Variants in MYLK observed in about 807,000 individuals in gnomAD.
MYLK encodes the protein myosin light chain kinase.
In MYLK, 106 loss-of-function variants were observed where a neutral mutation model predicts 203.4. The ratio of observed to expected loss-of-function variants is 0.52; its 90% CI spans 0.45 to 0.61. The LOEUF (loss-of-function observed/expected upper bound fraction) is 0.61, where lower values mean the gene tolerates loss of function less well. MYLK is among the 20% of genes least tolerant of loss of function. The probability of loss-of-function intolerance (pLI) is 0.00; values close to 1 mark genes in which losing one functional copy is unlikely to be tolerated. For synonymous variants in MYLK, 867 were observed against 959.5 expected (o/e 0.90, Z 1.78); for missense variants, 2,072 against 2,442.3 (o/e 0.85, Z 3.20).
intron 19 of MYLK, among the ~76,000 whole-genome samples, chr3:123,682,914 G>T (rs539407496): frequency 6.6e-6 from 1 of 152,292 alleles, no homozygotes; most frequent in Non-Finnish European, 1.5e-5. Context: ...AACAGGCCCA[G>T]TGAAGCTGGG....
Position 123,820,652 on chromosome 3 carries a change from T to TTCCTTCCTTCCTTCCTTCCTTCCCTCCC in MYLK, c.-4+10895_-4+10896insGGGAGGGAAGGAAGGAAGGAAGGAAGGA, listed in dbSNP as rs1560259959. 6.9e-4 allele frequency among the ~76,000 whole-genome samples: 79 copies of TTCCTTCCTTCCTTCCTTCCTTCCCTCCC among 113,918 alleles called. 1 individual carries two copies. Among genetic ancestry groups the TTCCTTCCTTCCTTCCTTCCTTCCCTCCC allele is most frequent in the African/African-American group, 2.3e-3 (77 of 32,992 alleles). The allele number at this position is 113,918 out of a possible 152,430, so 74.7% of individuals were successfully genotyped here. A position where few individuals can be genotyped will look rare whatever the true frequency, so the allele number is the denominator to read the frequency against. ...CTTCCTTCCTTCCTTCCCTCCTTCC[T>TTCCTTCCTTCCTTCCTTCCTTCCCTCCC]TCCTTCCTTCCCTCCTTCCTTCCTT... On this transcript the variant is annotated intron_variant, in intron 3 of 33. Transcript: ENST00000360304.
At chr3:123,690,307 C>T (rs989900069) in intron 19 of MYLK, among the ~76,000 whole-genome samples, 4 of 152,218 alleles carry the variant, frequency 2.6e-5, no homozygotes, top group East Asian at 1.9e-4. Flanking sequence ...AGTTCTTCAA[C>T]GTATTCTGAT....
intron 18 of MYLK, among the ~76,000 whole-genome samples, chr3:123,699,627 C>T (rs2061094607): frequency 6.6e-6 from 1 of 152,248 alleles, no homozygotes; most frequent in Admixed American, 6.5e-5. Context: ...CTCTGTGTCC[C>T]CCACCTCCAA....
At chr3:123,850,041 G>A (rs563695942) in intron 2 of MYLK, among the ~76,000 whole-genome samples, 3 of 152,092 alleles carry the variant, frequency 2.0e-5, no homozygotes, top group South Asian at 2.1e-4. Flanking sequence ...ATGGTTTCCC[G>A]CTTCATCCAT....
intron 18 of MYLK, among the ~76,000 whole-genome samples, chr3:123,699,486 T>C (rs2061086696): frequency 6.6e-6 from 1 of 152,182 alleles, no homozygotes; most frequent in African/African-American, 2.4e-5. Context: ...AAACCCACAG[T>C]GCTATCAAGA....
In MYLK at chr3:123,840,637, T is replaced by C. The variant is rs185327795; in HGVS notation, c.-126-8967A>G. On this transcript the variant is annotated intron_variant, in intron 2 of 33. Transcript: ENST00000360304. Reference sequence around the variant, plus strand: ...ACCATGGAACAATATTCTTCATAAATATAAACACAAAAATCCTCAACAAAA... The same window carrying C: ...ACCATGGAACAATATTCTTCATAAACATAAACACAAAAATCCTCAACAAAA... Among the ~76,000 whole-genome samples, 91 of 151,842 alleles carry C rather than the reference T, an allele frequency of 6.0e-4. 2 individuals are homozygous for C. In the South Asian group the frequency reaches 0.011, roughly 18 times the overall value.
chr3:123,870,839 G>A (rs910829750), intron 2 of MYLK, among the ~76,000 whole-genome samples: 1 of 152,182 alleles, frequency 6.6e-6, no homozygotes, highest in Non-Finnish European at 1.5e-5. Flanking sequence ...TTTTCTATCT[G>A]TATCTGCCTC....
chr3:123,813,102 C>G (rs940728961), intron 3 of MYLK, among the ~76,000 whole-genome samples: 1 of 152,184 alleles, frequency 6.6e-6, no homozygotes, highest in Non-Finnish European at 1.5e-5. Flanking sequence ...CAGGCCAAGT[C>G]CCTATCTGCT....
chr3:123,791,639 T>C (rs1040963781), intron 4 of MYLK, among the ~76,000 whole-genome samples: 11 of 152,246 alleles, frequency 7.2e-5, no homozygotes, highest in African/African-American at 2.7e-4. Context: ...AGGTGGTAAG[T>C]GGTCAAGTAG....
intron 27 of MYLK, among the ~76,000 whole-genome samples, chr3:123,644,997 G>C (rs2058965042): frequency 6.6e-6 from 1 of 152,170 alleles, no homozygotes. Context: ...CTGAAGCCAG[G>C]CTTCCTGAAT....
At chr3:123,623,608 C>G (rs1176792163) in intron 31 of MYLK, 1 of 152,170 alleles carries the variant, frequency 6.6e-6, no homozygotes, top group Non-Finnish European at 1.5e-5. Flanking sequence ...GGTGCCTTCT[C>G]TGGCACAGCT....
At chr3:123,659,472 C>A (rs7619172) in intron 23 of MYLK, among the ~76,000 whole-genome samples, 13,606 of 152,082 alleles carry the variant, frequency 0.089, 1,161 homozygotes, top group African/African-American at 0.22. Flanking sequence ...AAATTTGGGG[C>A]GAGGGACTTT....
chr3:123,623,413 C>T (rs1336792641), intron 31 of MYLK: 4 of 152,196 alleles, frequency 2.6e-5, no homozygotes, highest in Admixed American at 2.0e-4. Flanking sequence ...ACCTTTCCAA[C>T]ATATCTTTGT....
At chr3:123,663,067 T>A (rs532652012) in intron 23 of MYLK, among the ~76,000 whole-genome samples, 2 of 152,298 alleles carry the variant, frequency 1.3e-5, no homozygotes, top group Non-Finnish European at 2.9e-5. Flanking sequence ...GCATGAGGCA[T>A]AGAGTCTACT....
chr3:123,826,243 G>A (rs542354531), intron 3 of MYLK, among the ~76,000 whole-genome samples: 1 of 152,216 alleles, frequency 6.6e-6, no homozygotes, highest in Non-Finnish European at 1.5e-5. Context: ...CTGAGATATA[G>A]CCCTGTGGGC....
chr3:123,822,344 T>A (rs919513753), intron 3 of MYLK, among the ~76,000 whole-genome samples: 2 of 151,992 alleles, frequency 1.3e-5, no homozygotes, highest in African/African-American at 4.8e-5. Flanking sequence ...TGAAACCTGG[T>A]CAAGAGAAGA....
chr3:123,637,955 G>T, intron 29 of MYLK, 116 bp downstream of exon 29: 1 of 1,484,188 alleles, frequency 6.7e-7, no homozygotes, highest in Admixed American at 1.8e-5. Context: ...ACTCTGGGGG[G>T]GGCTCCCCAT....
chr3:123,751,950 G>A (rs368431253), intron 5 of MYLK, among the ~76,000 whole-genome samples: 1 of 152,142 alleles, frequency 6.6e-6, no homozygotes, highest in Non-Finnish European at 1.5e-5. Flanking sequence ...AGGGCCAGAG[G>A]TGGGTGTGAC....
chr3:123,726,016 C>G lies in MYLK; in HGVS notation c.1579G>C (p.Glu527Gln). The G allele has an allele frequency of 3.1e-6, 5 of 1,614,216 alleles. No homozygotes were observed. The highest frequency in any genetic ancestry group is 3.4e-6 in the Non-Finnish European group (4 of 1,180,022). ...CACTGCAGCACAAAATCCTGGCCCT[C>G]AATAACAGCGCAGTCCTTCAGGACA... is the stretch of plus-strand genomic sequence containing the variant. ...SSVLKDCAVIEGQDFVLQCSV... is the reference protein window; with the variant it reads ...SSVLKDCAVIQGQDFVLQCSV... The change falls in exon 12 of 34, where the codon GAG becomes CAG. Residue 527 changes from glutamate (E) to glutamine (Q), a missense_variant. By Grantham distance (29) the Glu-to-Gln change is conservative (BLOSUM62 2). This residue lies in a region of MYLK where 865 missense variants were observed against 1,016.0 expected (regional missense o/e 0.85). Coordinates refer to ENST00000360304, the MANE Select transcript of MYLK (RefSeq NM_053025.4).
Sources: gnomAD v4.1 joint callset for allele counts (sites outside exome capture counted in the v4.1 genomes callset) on GRCh38, gnomAD v4.1.1 for gene constraint, gnomAD v4.1.1 regional missense constraint, MANE v1.5 for transcripts, NCBI Gene and HGNC (gene_info 2026-07-23, HGNC 2026-07-21) for gene names.